The following SEC22A variants were observed in gnomAD, a reference collection of about 807,000 sequenced individuals.
SEC22A encodes the protein SEC22 homolog A, vesicle trafficking protein.
A neutral mutation model predicts 35.3 loss-of-function variants in SEC22A; 22 were observed. The observed-to-expected ratio is 0.62, with a 90% CI of 0.45 to 0.89. The LOEUF is 0.89. Ranked by LOEUF, SEC22A falls within the 40% of genes least tolerant of loss-of-function variation. SEC22A has a pLI of 0.00. For missense variants in SEC22A, 354 were observed against 362.5 expected (o/e 0.98, Z 0.19); for synonymous variants, 119 against 129.5 (o/e 0.92, Z 0.55).
intron 4 of SEC22A, among the ~76,000 whole-genome samples, 180 bp downstream of exon 4, chr3:123,225,477 A>G (rs917966774): frequency 6.6e-6 from 1 of 152,248 alleles, no homozygotes; most frequent in African/African-American, 2.4e-5. Context: ...ACTAATCGGG[A>G]AAATACTTTC....
intron 5 of SEC22A, among the ~76,000 whole-genome samples, chr3:123,256,136 A>G (rs1376658691): frequency 1.3e-5 from 2 of 152,192 alleles, no homozygotes; most frequent in Non-Finnish European, 2.9e-5. Context: ...AGAATGTTCT[A>G]TATAGTGTTT....
intron 5 of SEC22A, among the ~76,000 whole-genome samples, chr3:123,257,772 C>G (rs1387419416): frequency 6.6e-6 from 1 of 151,982 alleles, no homozygotes; most frequent in Non-Finnish European, 1.5e-5. Flanking sequence ...GGGCAGATCA[C>G]AAGGTCAGGA....
At chr3:123,239,044 T>G (rs932753227) in intron 4 of SEC22A, among the ~76,000 whole-genome samples, 1 of 151,866 alleles carries the variant, frequency 6.6e-6, no homozygotes, top group Non-Finnish European at 1.5e-5. Context: ...CTAATTTATT[T>G]CTATATTTTT....
At chr3:123,249,180 A>G (rs1056840187) in intron 5 of SEC22A, among the ~76,000 whole-genome samples, 4 of 152,354 alleles carry the variant, frequency 2.6e-5, no homozygotes, top group South Asian at 2.1e-4. Context: ...TCCTGAGCAC[A>G]GGAACTTCTG....
At chr3:123,207,496 G>GAGGA (rs763786627) in intron 1 of SEC22A, among the ~76,000 whole-genome samples, 23 of 152,202 alleles carry the variant, frequency 1.5e-4, no homozygotes, top group Non-Finnish European at 3.1e-4. Context: ...CACCACTAGT[G>GAGGA]AGGAAGCCTT....
At chr3:123,222,232 CTT>C (rs1035981731) in intron 2 of SEC22A, among the ~76,000 whole-genome samples, 25 of 151,692 alleles carry the variant, frequency 1.6e-4, no homozygotes, top group African/African-American at 5.8e-4. Flanking sequence ...GAGTCTCTCT[CTT>C]GTCACCCAGG....
intron 5 of SEC22A, among the ~76,000 whole-genome samples, chr3:123,247,125 A>C (rs1171895714): frequency 2.0e-5 from 3 of 152,326 alleles, no homozygotes; most frequent in Non-Finnish European, 4.4e-5. Flanking sequence ...GATTTATTCC[A>C]GCAGAAGGAG....
intron 4 of SEC22A, among the ~76,000 whole-genome samples, chr3:123,237,701 TCCAA>T (rs1937446154): frequency 6.6e-6 from 1 of 151,716 alleles, no homozygotes; most frequent in African/African-American, 2.4e-5. Flanking sequence ...GGGGTGGGGG[TCCAA>T]CTTGACTTAC....
At chr3:123,223,850 C>T in intron 3 of SEC22A, 128 bp downstream of exon 3, 1 of 652,366 alleles carries the variant, frequency 1.5e-6, no homozygotes, top group Non-Finnish European at 2.5e-6. Flanking sequence ...GGTAAATGAT[C>T]TATAAATTAT....
intron 2 of SEC22A, among the ~76,000 whole-genome samples, chr3:123,217,572 A>G (rs7624430): frequency 0.2 from 29,805 of 152,024 alleles, 3,029 homozygotes; most frequent in Middle Eastern, 0.28. Flanking sequence ...ATGTCCTATT[A>G]AAGAACTTTT....
chr3:123,265,328 T>C (rs145741730), intron 6 of SEC22A, among the ~76,000 whole-genome samples: 2 of 152,266 alleles, frequency 1.3e-5, no homozygotes, highest in African/African-American at 4.8e-5. Flanking sequence ...GACAACTGTA[T>C]ATTCTAGATA....
chr3:123,221,891 C>T (rs1300876706), intron 2 of SEC22A, among the ~76,000 whole-genome samples: 3 of 152,134 alleles, frequency 2.0e-5, no homozygotes, highest in Admixed American at 6.5e-5. Context: ...TACCTACCTA[C>T]TTAACTATCT....
chr3:123,220,657 T>C (rs911814109), intron 2 of SEC22A, among the ~76,000 whole-genome samples: 19 of 152,106 alleles, frequency 1.2e-4, no homozygotes, highest in African/African-American at 3.9e-4. Flanking sequence ...AAACTAGTTT[T>C]ATGACATAGT....
intron 2 of SEC22A, among the ~76,000 whole-genome samples, chr3:123,218,433 A>G (rs28665616): frequency 0.2 from 29,865 of 152,170 alleles, 3,047 homozygotes; most frequent in Middle Eastern, 0.28. Context: ...TGTGCCCAAG[A>G]TAGAGAAAAG....
chr3:123,254,169 TTTG>T (rs1937669515), intron 5 of SEC22A, among the ~76,000 whole-genome samples: 1 of 152,048 alleles, frequency 6.6e-6, no homozygotes, highest in Non-Finnish European at 1.5e-5. Context: ...ATATGAGGCT[TTTG>T]TTTACCTTCA....
intron 6 of SEC22A, 30 bp from the exon 7 acceptor site, chr3:123,271,492 A>G: frequency 6.5e-7 from 1 of 1,546,414 alleles, no homozygotes; most frequent in Non-Finnish European, 8.9e-7. Flanking sequence ...CTGTAACCCT[A>G]ATCATCTTTC....
chr3:123,213,731 G>C (rs953454212), intron 2 of SEC22A, among the ~76,000 whole-genome samples: 1 of 152,126 alleles, frequency 6.6e-6, no homozygotes, highest in Admixed American at 6.5e-5. Flanking sequence ...TTTCAAATTT[G>C]TGTAGAAATT....
chr3:123,237,581 T>C (rs920928609), intron 4 of SEC22A, among the ~76,000 whole-genome samples: 2 of 152,194 alleles, frequency 1.3e-5, no homozygotes, highest in East Asian at 1.9e-4. Flanking sequence ...AAAACTTCCA[T>C]TGGACCTTCC....
In SEC22A at chr3:123,271,589, G is replaced by C. The variant is rs376856724; in HGVS notation, c.791G>C (p.Cys264Ser). The C allele has an allele frequency of 9.3e-6, 15 of 1,614,142 alleles. No individual in the cohort carries two copies. Among genetic ancestry groups the C allele is most frequent in the Middle Eastern group, 3.3e-4 (2 of 6,062 alleles). Residue 264 changes from cysteine (C) to serine (S), a missense_variant, in exon 7 of 7, where the codon TGT becomes TCT. Transcript: ENST00000492595. Reference protein sequence around the residue: ...VKSFLTFGLICLCNMYLYELR... With the variant: ...VKSFLTFGLISLCNMYLYELR... The stretch of plus-strand genomic sequence containing the variant: ...TCTTTTTTGACTTTTGGCTTAATCT[G>C]TCTATGCAACATGTATCTCTATGAA...
Sources: gnomAD v4.1 joint callset for allele counts (sites outside exome capture counted in the v4.1 genomes callset) on GRCh38, gnomAD v4.1.1 for gene constraint, MANE v1.5 for transcripts, NCBI Gene and HGNC (gene_info 2026-07-23, HGNC 2026-07-21) for gene names.